Variants in KCNK2 observed in about 807,000 individuals in gnomAD.
The protein encoded by KCNK2 is potassium channel subfamily K member 2.
KCNK2 carries 21 observed loss-of-function variants against 40.5 expected under a neutral mutation model. The observed-to-expected ratio is 0.52, with a 90% CI of 0.37 to 0.75. The LOEUF (loss-of-function observed/expected upper bound fraction) is 0.75, where lower values mean the gene tolerates loss of function less well. Among genes scored for constraint, KCNK2 ranks in the 30% least tolerant of loss-of-function variants. The probability of loss-of-function intolerance (pLI) is 0.00; values close to 1 mark genes in which losing one functional copy is unlikely to be tolerated. For missense variants in KCNK2, 399 were observed against 531.6 expected (o/e 0.75, Z 2.45); for synonymous variants, 191 against 202.2 (o/e 0.94, Z 0.47).
At position 215,235,343 on chromosome 1, in the gene KCNK2, C is replaced by T. The variant is rs1314873619; in HGVS notation, c.*198C>T. The T allele has an allele frequency of 1.5e-5, 8 of 526,726 alleles. No homozygotes were observed. Among genetic ancestry groups the T allele is most frequent in the South Asian group, 3.1e-5 (1 of 31,940 alleles). 32.6% of individuals were successfully genotyped at this position (526,726 alleles called of 1,614,324 possible). On this transcript the variant is annotated 3_prime_UTR_variant, in exon 7 of 7. Coordinates refer to ENST00000444842, the MANE Select transcript of KCNK2 (RefSeq NM_001017425.3). Reference sequence around the variant, plus strand: ...TTTCTTTCTGATGATGCTTGTTGAACGGTCCACTTTCTTTGATGAGTGGAA... The same window carrying T: ...TTTCTTTCTGATGATGCTTGTTGAATGGTCCACTTTCTTTGATGAGTGGAA...
intron 1 of KCNK2, among the ~76,000 whole-genome samples, chr1:215,007,197 A>ATGTATG (rs1656206854): frequency 1.9e-5 from 1 of 51,684 alleles, no homozygotes; most frequent in Admixed American, 2.5e-4. Context: ...ATATATATAT[A>ATGTATG]TATATATATA....
chr1:215,093,006 G>A (rs1174892810), intron 2 of KCNK2, among the ~76,000 whole-genome samples: 1 of 152,120 alleles, frequency 6.6e-6, no homozygotes, highest in Non-Finnish European at 1.5e-5. Context: ...TGTTAAGTAG[G>A]AAGCTGCAAA....
chr1:215,200,671 G>C (rs1471157825), intron 6 of KCNK2, among the ~76,000 whole-genome samples: 1 of 152,132 alleles, frequency 6.6e-6, no homozygotes, highest in Non-Finnish European at 1.5e-5. Context: ...CAAGTATCCA[G>C]ATACTATCAA....
At chr1:215,143,957 A>G (rs1199204420) in intron 3 of KCNK2, among the ~76,000 whole-genome samples, 1 of 152,170 alleles carries the variant, frequency 6.6e-6, no homozygotes, top group African/African-American at 2.4e-5. Flanking sequence ...AGTAATTTGC[A>G]AGAAATCAGT....
At chr1:215,067,457 A>C (rs114309252) in intron 1 of KCNK2, among the ~76,000 whole-genome samples, 3,916 of 152,294 alleles carry the variant, frequency 0.026, 62 homozygotes, top group Non-Finnish European at 0.035. Context: ...GGGATATAAC[A>C]AATACTCCCA....
chr1:215,049,485 T>G (rs182875254), intron 1 of KCNK2, among the ~76,000 whole-genome samples: 1 of 152,158 alleles, frequency 6.6e-6, no homozygotes, highest in African/African-American at 2.4e-5. Flanking sequence ...TGAACAAAAG[T>G]TGATAATTTT....
chr1:215,113,327 T>G (rs1265653350), intron 2 of KCNK2, among the ~76,000 whole-genome samples: 1 of 152,178 alleles, frequency 6.6e-6, no homozygotes, highest in African/African-American at 2.4e-5. Flanking sequence ...GTAATACAAC[T>G]GAACTATTAA....
intron 1 of KCNK2, chr1:215,083,633 G>C: frequency 1.6e-6 from 1 of 606,602 alleles, no homozygotes; most frequent in Non-Finnish European, 2.9e-6. Context: ...CCCCTCTCCC[G>C]CCGGTGCCCG....
intron 1 of KCNK2, among the ~76,000 whole-genome samples, chr1:215,070,228 G>A (rs1321895675): frequency 7.7e-6 from 1 of 130,660 alleles, no homozygotes; most frequent in Non-Finnish European, 1.6e-5. Flanking sequence ...GGCTAACATG[G>A]TGAAACCCCA....
upstream of KCNK2, among the ~76,000 whole-genome samples, chr1:215,082,502 T>A (rs147225205): frequency 6.7e-6 from 1 of 148,636 alleles, no homozygotes; most frequent in Non-Finnish European, 1.5e-5. Flanking sequence ...ACAGCGAGAG[T>A]GAGGATTTTG....
At chr1:215,009,364 A>G (rs982725883) in intron 1 of KCNK2, among the ~76,000 whole-genome samples, 6 of 152,140 alleles carry the variant, frequency 3.9e-5, no homozygotes, top group Non-Finnish European at 8.8e-5. Flanking sequence ...AAATTACTGT[A>G]TTTGTGAGAG....
At chr1:215,048,651 C>T (rs926372512) in intron 1 of KCNK2, among the ~76,000 whole-genome samples, 30 of 152,074 alleles carry the variant, frequency 2.0e-4, no homozygotes, top group African/African-American at 7.0e-4. Context: ...CAATAATATC[C>T]AGAGTAAATT....
At chr1:215,216,134 C>T (rs1665947774) in intron 6 of KCNK2, among the ~76,000 whole-genome samples, 1 of 152,076 alleles carries the variant, frequency 6.6e-6, no homozygotes, top group African/African-American at 2.4e-5. Flanking sequence ...TTATTAGACC[C>T]TCACTGCTAC....
At chr1:215,153,130 A>G (rs1662759342) in intron 3 of KCNK2, among the ~76,000 whole-genome samples, 1 of 152,280 alleles carries the variant, frequency 6.6e-6, no homozygotes, top group African/African-American at 2.4e-5. Context: ...CTATTATCCA[A>G]AAGTGTTGCT....
At chr1:215,209,029 G>T (rs993070266) in intron 6 of KCNK2, among the ~76,000 whole-genome samples, 1 of 151,236 alleles carries the variant, frequency 6.6e-6, no homozygotes, top group Non-Finnish European at 1.5e-5. Context: ...GTATCACCAT[G>T]TTGGCCAGGC....
At chr1:215,135,357 A>G (rs1479704668) in intron 3 of KCNK2, among the ~76,000 whole-genome samples, 2 of 152,128 alleles carry the variant, frequency 1.3e-5, no homozygotes, top group African/African-American at 4.8e-5. Context: ...AGTTGTGAAG[A>G]CTAAATGAGG....
At chr1:215,044,829 G>A (rs974588651) in intron 1 of KCNK2, among the ~76,000 whole-genome samples, 3 of 47,610 alleles carry the variant, frequency 6.3e-5, no homozygotes, top group Admixed American at 1.6e-4. Flanking sequence ...GTGTGTGTGC[G>A]CGCGCACACG....
In KCNK2 at chr1:215,235,045, A is replaced by G; in HGVS notation, c.1181A>G (p.Asp394Gly). The change falls in exon 7 of 7, where the codon GAT becomes GGT. Residue 394 changes from aspartate to glycine, a missense_variant. Coordinates refer to ENST00000444842, the MANE Select transcript of KCNK2 (RefSeq NM_001017425.3). Reference protein sequence around the residue: ...LSVNHLTSERDVLPPLLKTES... With the variant: ...LSVNHLTSERGVLPPLLKTES... ...GTGAACCACCTGACCAGCGAGAGGG[A>G]TGTCTTGCCTCCCTTACTGAAGACT... The G allele has an allele frequency of 1.2e-6, 2 of 1,613,984 alleles. No individual in the cohort carries two copies. The highest frequency in any genetic ancestry group is 1.7e-6 in the Non-Finnish European group (2 of 1,179,924).
upstream of KCNK2, among the ~76,000 whole-genome samples, chr1:215,079,801 G>A (rs187014786): frequency 5.1e-4 from 77 of 152,276 alleles, no homozygotes; most frequent in Non-Finnish European, 8.8e-4. Context: ...CAAACAGCAT[G>A]AGTAAGTCTA....
Sources: allele counts gnomAD v4.1 joint callset (sites outside exome capture counted in the v4.1 genomes callset), GRCh38; gene constraint gnomAD v4.1.1; transcripts MANE v1.5; gene names NCBI Gene and HGNC (gene_info 2026-07-23, HGNC 2026-07-21).